The following SNX29 variants were observed in gnomAD, a reference collection of about 807,000 sequenced individuals.
SNX29 encodes sorting nexin-29.
Under a neutral mutation model 102.1 loss-of-function variants are expected in SNX29, and 78 were observed. That is an observed-to-expected ratio of 0.76 (90% CI 0.64 to 0.92). SNX29 has a LOEUF of 0.92. Ranked by LOEUF, SNX29 falls within the 40% of genes least tolerant of loss-of-function variation. The pLI is 0.00. For synonymous variants in SNX29, 580 were observed against 414.5 expected (o/e 1.40, Z -4.85); for missense variants, 1,280 against 1,061.7 (o/e 1.21, Z -2.86).
intron 19 of SNX29, among the ~76,000 whole-genome samples, chr16:12,488,719 C>T (rs1021900830): frequency 3.3e-5 from 5 of 152,184 alleles, no homozygotes; most frequent in Admixed American, 1.3e-4. Context: ...ATCTCACCTG[C>T]CCGCTGGACA....
intron 14 of SNX29, among the ~76,000 whole-genome samples, chr16:12,244,176 C>T (rs2078194371): frequency 6.6e-6 from 1 of 152,208 alleles, no homozygotes; most frequent in Admixed American, 6.5e-5. Context: ...CGCCACTCAA[C>T]TCCTGCTGTG....
chr16:12,368,177 G>C (rs1278844260), intron 16 of SNX29, among the ~76,000 whole-genome samples: 1 of 152,192 alleles, frequency 6.6e-6, no homozygotes, highest in Non-Finnish European at 1.5e-5. Context: ...GTTTCCCCTG[G>C]GGACCCATGA....
chr16:12,189,802 C>T (rs2076598598), intron 13 of SNX29, among the ~76,000 whole-genome samples: 1 of 151,926 alleles, frequency 6.6e-6, no homozygotes, highest in Non-Finnish European at 1.5e-5. Flanking sequence ...AGCATCAAAA[C>T]AGTGATAATA....
chr16:12,415,058 G>A (rs1277236105), intron 18 of SNX29, among the ~76,000 whole-genome samples: 1 of 152,240 alleles, frequency 6.6e-6, no homozygotes, highest in Non-Finnish European at 1.5e-5. Context: ...TGAGAAGACA[G>A]CTAGGGGCTA....
At chr16:12,551,812 C>A (rs1199349967) in intron 20 of SNX29, among the ~76,000 whole-genome samples, 1 of 152,138 alleles carries the variant, frequency 6.6e-6, no homozygotes, top group African/African-American at 2.4e-5. Flanking sequence ...CTTCTGTATC[C>A]CCGCCTCAGT....
At chr16:12,555,601 G>A (rs62028169) in intron 20 of SNX29, among the ~76,000 whole-genome samples, 89,477 of 151,582 alleles carry the variant, frequency 0.59, 27,476 homozygotes, top group Middle Eastern at 0.71. Flanking sequence ...CCCAGCAGCT[G>A]CCCTTAGTCC....
intron 15 of SNX29, among the ~76,000 whole-genome samples, chr16:12,340,955 TTATGA>T (rs2081593555): frequency 6.6e-6 from 1 of 152,130 alleles, no homozygotes; most frequent in African/African-American, 2.4e-5. Context: ...CACCATGAGG[TTATGA>T]GAACTCATCC....
At chr16:12,401,022 A>G (rs1477964140) in intron 17 of SNX29, among the ~76,000 whole-genome samples, 2 of 152,106 alleles carry the variant, frequency 1.3e-5, no homozygotes, top group South Asian at 2.1e-4. Context: ...TAGTAGAGAC[A>G]GGGTTTCACC....
intron 19 of SNX29, among the ~76,000 whole-genome samples, chr16:12,519,962 C>T (rs1057125894): frequency 5.3e-5 from 8 of 151,492 alleles, no homozygotes; most frequent in African/African-American, 1.5e-4. Context: ...CCAGCCTGGG[C>T]GACAGAGCGA....
At chr16:12,086,034 T>C (rs2052158050) in intron 11 of SNX29, among the ~76,000 whole-genome samples, 1 of 144,844 alleles carries the variant, frequency 6.9e-6, no homozygotes, top group Non-Finnish European at 1.5e-5. Context: ...TTTTTTGAGA[T>C]GGAGTCTCGC....
At chr16:12,047,651 CTTT>C (rs376623418) in intron 6 of SNX29, among the ~76,000 whole-genome samples, 2 of 126,616 alleles carry the variant, frequency 1.6e-5, no homozygotes, top group African/African-American at 3.0e-5. Context: ...GGACCAAGGT[CTTT>C]TTTTTTTTTT....
chr16:12,372,240 A>G (rs965318215), intron 16 of SNX29, among the ~76,000 whole-genome samples: 7 of 152,208 alleles, frequency 4.6e-5, no homozygotes, highest in African/African-American at 1.4e-4. Flanking sequence ...AGTCATGAAT[A>G]TATGTCGACT....
intron 11 of SNX29, chr16:12,095,318 C>T (rs981984326): frequency 1.3e-5 from 2 of 152,194 alleles, no homozygotes; most frequent in Non-Finnish European, 2.9e-5. Flanking sequence ...GAAAGCGGCT[C>T]AGGCTTTATT....
At chr16:12,472,529 C>CAAAAAAAAAAAA (rs60223249) in intron 18 of SNX29, among the ~76,000 whole-genome samples, 4 of 72,934 alleles carry the variant, frequency 5.5e-5, no homozygotes, top group African/African-American at 4.2e-5. Context: ...AAAAAAAAAC[C>CAAAAAAAAAAAA]AAAAAAAAAA....
At chr16:12,131,684 A>G (rs2054473494) in intron 13 of SNX29, among the ~76,000 whole-genome samples, 1 of 152,210 alleles carries the variant, frequency 6.6e-6, no homozygotes, top group Admixed American at 6.5e-5. Context: ...ACTTTAAAAT[A>G]AGACCACGAG....
At chr16:12,127,307 C>A (rs754626699) in intron 12 of SNX29, among the ~76,000 whole-genome samples, 2 of 151,580 alleles carry the variant, frequency 1.3e-5, no homozygotes, top group Non-Finnish European at 2.9e-5. Context: ...GTGTGTAATT[C>A]AGTAGTTTTT....
At chr16:12,313,159 G>A (rs1430410116) in intron 15 of SNX29, among the ~76,000 whole-genome samples, 1 of 151,874 alleles carries the variant, frequency 6.6e-6, no homozygotes, top group African/African-American at 2.4e-5. Context: ...GACTATAGGC[G>A]CCCACCACCA....
intron 1 of SNX29, among the ~76,000 whole-genome samples, chr16:11,990,682 A>T (rs2055815461): frequency 6.6e-6 from 1 of 152,128 alleles, no homozygotes; most frequent in Admixed American, 6.5e-5. Context: ...CTGCAGTGAC[A>T]ACAGGTTGAT....
At chr16:12,494,283 G>T (rs769367270) in intron 19 of SNX29, among the ~76,000 whole-genome samples, 2 of 152,124 alleles carry the variant, frequency 1.3e-5, no homozygotes, top group African/African-American at 4.8e-5. Flanking sequence ...TGCCTCCTGC[G>T]TGCCTGGCCC....
Sources: gnomAD v4.1 joint callset for allele counts (sites outside exome capture counted in the v4.1 genomes callset) on GRCh38, gnomAD v4.1.1 for gene constraint, MANE v1.5 for transcripts, NCBI Gene and HGNC (gene_info 2026-07-23, HGNC 2026-07-21) for gene names.